Variants in MEF2C observed in about 807,000 individuals in gnomAD.
MEF2C encodes myocyte enhancer factor 2C, also known as myocyte-specific enhancer factor 2C.
MEF2C carries 6 observed loss-of-function variants against 50.5 expected under a neutral mutation model. The observed-to-expected ratio is 0.12, with a 90% CI of 0.07 to 0.23. MEF2C has a LOEUF of 0.23. Among genes scored for constraint, MEF2C ranks in the 10% least tolerant of loss-of-function variants. The probability of loss-of-function intolerance (pLI) is 1.00; values close to 1 mark genes in which losing one functional copy is unlikely to be tolerated. For missense variants in MEF2C, 276 were observed against 605.0 expected (o/e 0.46, Z 5.70); for synonymous variants, 183 against 228.0 (o/e 0.80, Z 1.78).
chr5:88,849,886 C>T (rs1820660273), intron 1 of MEF2C, among the ~76,000 whole-genome samples: 2 of 152,044 alleles, frequency 1.3e-5, no homozygotes, highest in South Asian at 4.1e-4. Context: ...TTTCCTAGAC[C>T]TTCCTCTCAA....
intron 3 of MEF2C, among the ~76,000 whole-genome samples, chr5:88,766,157 G>A (rs1016358635): frequency 5.1e-4 from 78 of 152,210 alleles, no homozygotes; most frequent in African/African-American, 1.7e-3. Flanking sequence ...TTTGCTCATC[G>A]GAAAAACTTG....
chr5:88,829,112 C>T lies in MEF2C; in HGVS notation c.-142-5182G>A, dbSNP rs16903377. The stretch of plus-strand genomic sequence containing the variant: ...ATTTAGTATCAATATGAATTTCAAA[C>T]CATCTTCAAGTCTCAGTAACATAGT... On this transcript the variant is annotated intron_variant, in intron 1 of 10. Transcript: ENST00000504921. Among the ~76,000 whole-genome samples the T allele has an allele frequency of 8.1e-3, 1,236 of 152,036 alleles. 17 individuals are homozygous for T. The highest frequency in any genetic ancestry group is 0.028 in the African/African-American group (1,158 of 41,504).
chr5:88,824,378 G>A (rs1230665836), intron 1 of MEF2C: 6 of 984,442 alleles, frequency 6.1e-6, no homozygotes, highest in East Asian at 1.1e-4. Context: ...TGACAGCAGA[G>A]GTGATAACGT....
In MEF2C at chr5:88,721,590, A is replaced by G. The variant is rs1416977118; in HGVS notation, c.*1014T>C. 6.6e-6 allele frequency: 1 copy of G among 152,604 alleles called. No homozygotes were observed. The highest frequency in any genetic ancestry group is 2.4e-5 in the African/African-American group (1 of 41,456). The allele number at this position is 152,604 out of a possible 1,614,324, so 9.5% of individuals were successfully genotyped here. ...ACTTCTGCTATTACCATAATATTAT[A>G]TATATTAGAAAGCTATACACAAGCA... On this transcript the variant is annotated 3_prime_UTR_variant, in exon 11 of 11. Coordinates refer to ENST00000504921, the MANE Select transcript of MEF2C (RefSeq NM_002397.5).
intron 3 of MEF2C, among the ~76,000 whole-genome samples, chr5:88,788,130 T>C (rs1326260851): frequency 6.6e-6 from 1 of 152,170 alleles, no homozygotes; most frequent in Non-Finnish European, 1.5e-5. Flanking sequence ...AGTTTACATA[T>C]CCTTTATTGG....
intron 4 of MEF2C, among the ~76,000 whole-genome samples, chr5:88,752,438 C>T (rs1057109912): frequency 3.9e-5 from 6 of 152,158 alleles, no homozygotes; most frequent in Admixed American, 3.3e-4. Flanking sequence ...AAACCGAAGC[C>T]TTTGATTTAA....
intron 1 of MEF2C, among the ~76,000 whole-genome samples, chr5:88,871,074 A>G (rs889203439): frequency 1.3e-5 from 2 of 152,098 alleles, no homozygotes; most frequent in Non-Finnish European, 2.9e-5. Flanking sequence ...TGCTTCTATA[A>G]ATCATATCAA....
chr5:88,760,863 G>A, intron 4 of MEF2C: 1 of 1,039,524 alleles, frequency 9.6e-7, no homozygotes, highest in Non-Finnish European at 1.4e-6. Context: ...AGCTGCCCGT[G>A]GGATGAGATG....
rs1350059774 is a variant in MEF2C, at chr5:88,721,356, T to C, written c.*1248A>G. The C allele has an allele frequency of 6.6e-6, 1 of 152,608 alleles. No individual in the cohort carries two copies. Among genetic ancestry groups the C allele is most frequent in the African/African-American group, 2.4e-5 (1 of 41,436 alleles). The allele number at this position is 152,608 out of a possible 1,614,324, so 9.5% of individuals were successfully genotyped here. On this transcript the variant is annotated 3_prime_UTR_variant, in exon 11 of 11. Coordinates refer to ENST00000504921, the MANE Select transcript of MEF2C (RefSeq NM_002397.5). ...GCATGAAAGAAACTAGTATATACAATGGATGTCAGTTGACCCAATAGATTG... is the reference window on the plus strand; with the variant it reads ...GCATGAAAGAAACTAGTATATACAACGGATGTCAGTTGACCCAATAGATTG...
intron 3 of MEF2C, among the ~76,000 whole-genome samples, chr5:88,803,204 A>G (rs1195788574): frequency 6.6e-6 from 1 of 152,244 alleles, no homozygotes; most frequent in Non-Finnish European, 1.5e-5. Context: ...CAAATTATCA[A>G]TGAAAAACTA....
At chr5:88,761,086 C>T (rs1473745506) in intron 4 of MEF2C, 99 bp downstream of exon 4, 8 of 1,613,880 alleles carry the variant, frequency 5.0e-6, no homozygotes, top group Admixed American at 1.7e-5. Flanking sequence ...GAGTCGGGAT[C>T]GGGGCTTTCA....
At chr5:88,810,282 A>G (rs1341049965) in intron 2 of MEF2C, among the ~76,000 whole-genome samples, 1 of 152,168 alleles carries the variant, frequency 6.6e-6, no homozygotes, top group African/African-American at 2.4e-5. Flanking sequence ...AGATAAAGTA[A>G]TTACACTATC....
rs532600994 is a variant in MEF2C at position 88,735,182 on chromosome 5, G to A, written c.638-3281C>T. The A allele has an allele frequency of 3.3e-5, 33 of 985,370 alleles. No individual in the cohort carries two copies. The East Asian group carries it at 5.7e-4, about 17-fold the overall frequency. 61.0% of individuals were successfully genotyped at this position (985,370 alleles called of 1,614,324 possible). The stretch of plus-strand genomic sequence containing the variant: ...AAGAGCCTGCATTTAAACCGGCTGG[G>A]AAACCGCAGCCTCCTCCTCACTCAG... On this transcript the variant is annotated intron_variant, in intron 6 of 10. Coordinates refer to ENST00000504921, the MANE Select transcript of MEF2C (RefSeq NM_002397.5).
At chr5:88,772,497 G>A (rs1169284052) in intron 3 of MEF2C, 1 of 156,652 alleles carries the variant, frequency 6.4e-6, no homozygotes, top group African/African-American at 2.4e-5. Context: ...TGTTGTGGTT[G>A]TCATGTCTTA....
chr5:88,897,478 A>G (rs923579130), intron 1 of MEF2C, among the ~76,000 whole-genome samples: 1 of 152,114 alleles, frequency 6.6e-6, no homozygotes, highest in Non-Finnish European at 1.5e-5. Flanking sequence ...TATGCTCTAC[A>G]CTCTCATACG....
intron 1 of MEF2C, among the ~76,000 whole-genome samples, chr5:88,878,605 G>A (rs1410747253): frequency 6.6e-6 from 1 of 151,728 alleles, no homozygotes; most frequent in Non-Finnish European, 1.5e-5. Flanking sequence ...TCCAAGGAAA[G>A]TTTTTCTTTT....
chr5:88,728,578 C>A lies in MEF2C; in HGVS notation c.1015G>T (p.Ala339Ser). 2.6e-6 allele frequency: 4 copies of A among 1,531,430 alleles called. No individual in the cohort carries two copies. The highest frequency in any genetic ancestry group is 1.2e-5 in the South Asian group (1 of 80,076). 94.9% of individuals were successfully genotyped at this position (1,531,430 alleles called of 1,614,324 possible). ...ACTGAACCAAGGTGAAGAGCGCTGGCGGTGTTAAACCCAGACAGAGATGAC... is the reference window on the plus strand; with the variant it reads ...ACTGAACCAAGGTGAAGAGCGCTGGAGGTGTTAAACCCAGACAGAGATGAC... The part of the protein sequence containing the change: ...DLSSLSGFNT[A>S]SALHLGSVTG... The change falls in exon 10 of 11, where the codon GCC (alanine) becomes TCC (serine). Residue 339 changes from alanine (A) to serine (S), a missense_variant. Ala to Ser is a moderately conservative substitution (Grantham distance 99, BLOSUM62 1). Transcript: ENST00000504921.
At chr5:88,804,211 GA>G (rs1223704322) in intron 3 of MEF2C, among the ~76,000 whole-genome samples, 1 of 152,134 alleles carries the variant, frequency 6.6e-6, no homozygotes, top group Non-Finnish European at 1.5e-5. Context: ...ATGATGCCGG[GA>G]AACTATTATA....
At chr5:88,782,596 C>T (rs1788693369) in intron 3 of MEF2C, among the ~76,000 whole-genome samples, 1 of 152,200 alleles carries the variant, frequency 6.6e-6, no homozygotes, top group Non-Finnish European at 1.5e-5. Context: ...AATGCATGTG[C>T]ACCTTATTAG....
Sources: allele counts gnomAD v4.1 joint callset (sites outside exome capture counted in the v4.1 genomes callset), GRCh38; gene constraint gnomAD v4.1.1; transcripts MANE v1.5; gene names NCBI Gene and HGNC (gene_info 2026-07-23, HGNC 2026-07-21).